The following PLG variants were observed in gnomAD, a reference collection of about 807,000 sequenced individuals.
PLG encodes the protein plasminogen, also known as plasmin.
In PLG, 41 loss-of-function variants were observed where a neutral mutation model predicts 104.4. The observed-to-expected ratio is 0.39, with a 90% confidence interval of 0.31 to 0.51. The LOEUF is 0.51. PLG is among the 20% of genes least tolerant of loss of function. PLG has a pLI of 0.76. For synonymous variants in PLG, 337 were observed against 357.1 expected (o/e 0.94, Z 0.63); for missense variants, 891 against 1,003.6 (o/e 0.89, Z 1.52).
At chr6:160,745,093 G>A (rs1382233167) in intron 17 of PLG, among the ~76,000 whole-genome samples, 2 of 152,144 alleles carry the variant, frequency 1.3e-5, no homozygotes, top group Admixed American at 6.6e-5. Flanking sequence ...GATTTTTAGA[G>A]TATGTGCCAC....
Position 160,719,877 on chromosome 6 carries a change from A to G in PLG, c.1096+1039A>G, listed in dbSNP as rs1014434506. On this transcript the variant is annotated intron_variant, in intron 9 of 18. Coordinates refer to ENST00000308192, the MANE Select transcript of PLG (RefSeq NM_000301.5). This position sits in a 1 kb window ranked among gnomAD's most constrained non-coding sequence, Gnocchi z 4.1. ...AATACATTGACACTATTTTTGCCCT[A>G]ATAGTTGTGTTTTAAAGTGATCAAG... Among the ~76,000 whole-genome samples the G allele has an allele frequency of 1.3e-5, 2 of 152,164 alleles. No homozygotes were observed. The highest frequency in any genetic ancestry group is 4.8e-5 in the African/African-American group (2 of 41,456).
chr6:160,752,863 C>G lies in PLG; in HGVS notation c.2272-37C>G. On this transcript the variant is annotated intron_variant, in intron 18 of 18. Coordinates refer to ENST00000308192, the MANE Select transcript of PLG (RefSeq NM_000301.5). This position sits in a 1 kb window ranked among gnomAD's most constrained non-coding sequence, Gnocchi z 4.7. ...CATCCCATAATAAAAGGCAGGCAGC[C>G]TAACCCTCACATGCATTTTTCTCTC... 6.2e-7 allele frequency: 1 copy of G among 1,610,714 alleles called. No homozygotes were observed. The highest frequency in any genetic ancestry group is 1.3e-5 in the African/African-American group (1 of 74,984).
chr6:160,708,158 G>A, intron 3 of PLG: 2 of 232,722 alleles, frequency 8.6e-6, no homozygotes, highest in South Asian at 1.1e-4. Flanking sequence ...TATTCTGCAG[G>A]GTGACCATGG....
chr6:160,718,513 G>C (rs893594815), intron 8 of PLG, 57 bp downstream of exon 8: 4 of 1,498,802 alleles, frequency 2.7e-6, no homozygotes, highest in Non-Finnish European at 3.7e-6. Context: ...CATTGACTTT[G>C]CCTTAGTTTT....
In PLG at chr6:160,711,193, T is replaced by C. The variant is rs753682387; in HGVS notation, c.407+2T>C. On this transcript the variant is annotated splice_donor_variant, in intron 4 of 18. Transcript: ENST00000308192. LOFTEE classifies it high-confidence loss of function. ...TTCCACTTCTCCCCACAGACCTAGG[T>C]AAGACATTCCCTTTCATCTTTGTGT... 1 of 1,613,232 alleles carries C rather than the reference T, an allele frequency of 6.2e-7. No individual in the cohort carries two copies. The highest frequency in any genetic ancestry group is 8.5e-7 in the Non-Finnish European group (1 of 1,179,268).
In PLG at chr6:160,738,401, A is replaced by G. The variant is rs1778124856; in HGVS notation, c.1803-137A>G. ...ACTGGCCAAAATTACTACCATCCTG[A>G]TGCTGGGCTTGCAGTCCTTTCCTTT... On this transcript the variant is annotated intron_variant, in intron 14 of 18. Coordinates refer to ENST00000308192, the MANE Select transcript of PLG (RefSeq NM_000301.5). The surrounding 1 kb of genome is among the most constrained non-coding windows in gnomAD (Gnocchi z 6.8). 1 of 714,414 alleles carries G rather than the reference A, an allele frequency of 1.4e-6. No homozygotes were observed. Among genetic ancestry groups the G allele is most frequent in the African/African-American group, 1.7e-5 (1 of 57,740 alleles). The allele number at this position is 714,414 out of a possible 1,614,324, so 44.3% of individuals were successfully genotyped here.
chr6:160,743,749 G>GGAAT (rs1778233785), intron 17 of PLG, among the ~76,000 whole-genome samples: 4 of 152,266 alleles, frequency 2.6e-5, no homozygotes, highest in Admixed American at 2.6e-4. Context: ...GTTTTCAAGG[G>GGAAT]GAATGCTTCC....
At position 160,706,482 on chromosome 6, in the gene PLG, G is replaced by A. The variant is rs1303918420; in HGVS notation, c.125G>A (p.Gly42Glu). Residue 42 changes from glycine (G) to glutamate (E), a missense_variant, in exon 2 of 19, where the codon GGA becomes GAA. Transcript: ENST00000308192. ...TTCAGTGTCACTAAGAAGCAGCTGGGAGCAGGAAGTATAGAAGAATGTGCA... is the reference window on the plus strand; with the variant it reads ...TTCAGTGTCACTAAGAAGCAGCTGGAAGCAGGAAGTATAGAAGAATGTGCA... ...SLFSVTKKQLGAGSIEECAAK... is the reference protein window; with the variant it reads ...SLFSVTKKQLEAGSIEECAAK... 6.2e-7 allele frequency: 1 copy of A among 1,613,876 alleles called. No homozygotes were observed. The highest frequency in any genetic ancestry group is 1.3e-5 in the African/African-American group (1 of 75,048).
chr6:160,707,610 A>G (rs1343733702), intron 2 of PLG, 90 bp from the exon 3 acceptor site: 7 of 1,332,292 alleles, frequency 5.3e-6, no homozygotes, highest in South Asian at 2.4e-5. Flanking sequence ...AAGATATTCA[A>G]TGATCTTTAG....
Position 160,740,000 on chromosome 6 carries a change from A to T in PLG, c.2018+792A>T, listed in dbSNP as rs1778161564. On this transcript the variant is annotated intron_variant, in intron 16 of 18. Coordinates refer to ENST00000308192, the MANE Select transcript of PLG (RefSeq NM_000301.5). The surrounding 1 kb of genome is among the most constrained non-coding windows in gnomAD (Gnocchi z 4.4). ...ATACTAGTTGAGTCAGCTAAGAAAC[A>T]GCTATTTGTAGGAGAAGCAGGTTTG... 6.6e-6 allele frequency among the ~76,000 whole-genome samples: 1 copy of T among 152,200 alleles called. No individual in the cohort carries two copies. Among genetic ancestry groups the T allele is most frequent in the Non-Finnish European group, 1.5e-5 (1 of 68,032 alleles).
rs762347588 is a variant in PLG at position 160,716,728 on chromosome 6, A to G, written c.752A>G (p.Asn251Ser). 1.2e-6 allele frequency: 2 copies of G among 1,612,612 alleles called. No homozygotes were observed. Among genetic ancestry groups the G allele is most frequent in the African/African-American group, 1.3e-5 (1 of 75,004 alleles). The change falls in exon 7 of 19, where the codon AAC becomes AGC. Residue 251 changes from asparagine to serine, a missense_variant. Asn to Ser is a conservative substitution (Grantham distance 46, BLOSUM62 1). Transcript: ENST00000308192. ...LRPWCFTTDP[N>S]KRWELCDIPR... Reference sequence around the variant, plus strand: ...CCTTGGTGTTTCACCACCGACCCCAACAAGCGCTGGGAACTTTGTGACATC... The same window carrying G: ...CCTTGGTGTTTCACCACCGACCCCAGCAAGCGCTGGGAACTTTGTGACATC...
At chr6:160,704,317 G>GA (rs1777478754) in intron 1 of PLG, among the ~76,000 whole-genome samples, 1 of 152,222 alleles carries the variant, frequency 6.6e-6, no homozygotes, top group Non-Finnish European at 1.5e-5. Context: ...CTGGGGAGGG[G>GA]ATCTCAGCAG....
chr6:160,731,673 A>T lies in PLG; in HGVS notation c.1439-72A>T. The T allele has an allele frequency of 6.9e-7, 1 of 1,445,670 alleles. No individual in the cohort carries two copies. Among genetic ancestry groups the T allele is most frequent in the Non-Finnish European group, 9.7e-7 (1 of 1,026,928 alleles). The allele number at this position is 1,445,670 out of a possible 1,614,324, so 89.6% of individuals were successfully genotyped here. ...TTCTGTCATCCTAGAGAAACCTGAC[A>T]TGACTGTATTGATTCCATATCATCC... On this transcript the variant is annotated intron_variant, in intron 11 of 18. Transcript: ENST00000308192. The surrounding 1 kb of genome is among the most constrained non-coding windows in gnomAD (Gnocchi z 5.1).
rs749428365 is a variant in PLG at position 160,704,562 on chromosome 6, GA to G, written c.50-1844del. 1.2e-4 allele frequency among the ~76,000 whole-genome samples: 18 copies of G among 152,232 alleles called. No individual in the cohort carries two copies. The East Asian group carries it at 2.5e-3, about 21-fold the overall frequency. On this transcript the variant is annotated intron_variant, in intron 1 of 18. Coordinates refer to ENST00000308192, the MANE Select transcript of PLG (RefSeq NM_000301.5). ...CCAAAACACAACTCTTCTTGAAAATGAGAGTTCAAGTTGGCAGAAAGTGCGG... is the reference window on the plus strand; with the variant it reads ...CCAAAACACAACTCTTCTTGAAAATGGAGTTCAAGTTGGCAGAAAGTGCGG...
chr6:160,748,976 G>A (rs1778348979), intron 17 of PLG, among the ~76,000 whole-genome samples: 1 of 152,218 alleles, frequency 6.6e-6, no homozygotes. Flanking sequence ...GGTGGACGCA[G>A]GACCACACTC....
rs1414635412 is a variant in PLG, at chr6:160,736,161, T to C, written c.1682-726T>C. Reference sequence around the variant, plus strand: ...GCCCCTGCACTGTTGTAGGCATTGGTGGATGGTACCAAAGATGGGACACTG... The same window carrying C: ...GCCCCTGCACTGTTGTAGGCATTGGCGGATGGTACCAAAGATGGGACACTG... On this transcript the variant is annotated intron_variant, in intron 13 of 18. Transcript: ENST00000308192. This position sits in a 1 kb window ranked among gnomAD's most constrained non-coding sequence, Gnocchi z 5.2. 6.6e-6 allele frequency among the ~76,000 whole-genome samples: 1 copy of C among 152,204 alleles called. No homozygotes were observed. The highest frequency in any genetic ancestry group is 2.4e-5 in the African/African-American group (1 of 41,448).
In PLG at chr6:160,738,665, CCTT is replaced by C. The variant is rs911429397; in HGVS notation, c.1877+57_1877+59del. 4.0e-5 allele frequency: 46 copies of C among 1,146,014 alleles called. No individual in the cohort carries two copies. Among genetic ancestry groups the C allele is most frequent in the Admixed American group, 1.2e-4 (7 of 59,430 alleles). The allele number at this position is 1,146,014 out of a possible 1,614,324, so 71.0% of individuals were successfully genotyped here. ...GTCTTGTCTTAAATACTTTTTCTGT[CCTT>C]CTTTTCCTCCTTTCCTCCTTTCCTT... is the stretch of plus-strand genomic sequence containing the variant. On this transcript the variant is annotated intron_variant, in intron 15 of 18. Transcript: ENST00000308192. This position sits in a 1 kb window ranked among gnomAD's most constrained non-coding sequence, Gnocchi z 6.8.
chr6:160,730,486 C>T (rs1179907832), intron 10 of PLG, among the ~76,000 whole-genome samples: 1 of 152,200 alleles, frequency 6.6e-6, no homozygotes, highest in Non-Finnish European at 1.5e-5. Flanking sequence ...CACTATTTTT[C>T]GTGGTTGTTT....
In PLG at chr6:160,753,472, T is replaced by C. The variant is rs117330062; in HGVS notation, c.*411T>C. Among the ~76,000 whole-genome samples the C allele has an allele frequency of 6.6e-6, 1 of 152,310 alleles. No homozygotes were observed. Among genetic ancestry groups the C allele is most frequent in the Non-Finnish European group, 1.5e-5 (1 of 68,034 alleles). ...TTGTCCACGCATTTACCTCATCAGC[T>C]AACGAGGGCTTGACATGCATTTTTA... On this transcript the variant is annotated 3_prime_UTR_variant, in exon 19 of 19. Coordinates refer to ENST00000308192, the MANE Select transcript of PLG (RefSeq NM_000301.5). This position sits in a 1 kb window ranked among gnomAD's most constrained non-coding sequence, Gnocchi z 5.4.
Sources: gnomAD v4.1 joint callset for allele counts (sites outside exome capture counted in the v4.1 genomes callset) on GRCh38, gnomAD v4.1.1 for gene constraint, Gnocchi (gnomAD v3.1) non-coding constraint, MANE v1.5 for transcripts, NCBI Gene and HGNC (gene_info 2026-07-23, HGNC 2026-07-21) for gene names.